MYEF2: variants seen among roughly 807,000 people sequenced by gnomAD.
The protein encoded by MYEF2 is myelin expression factor 2, also known as myelin gene expression factor 2.
In MYEF2, 37 loss-of-function variants were observed where a neutral mutation model predicts 75.2. The observed-to-expected ratio is 0.49, with a 90% confidence interval of 0.38 to 0.65. The LOEUF (loss-of-function observed/expected upper bound fraction) is 0.65. Ranked by LOEUF, MYEF2 falls within the 30% of genes least tolerant of loss-of-function variation. The pLI, the probability that MYEF2 is intolerant of heterozygous loss-of-function variation, is 0.00. For missense variants in MYEF2, 634 were observed against 771.4 expected (o/e 0.82, Z 2.11); for synonymous variants, 195 against 241.6 (o/e 0.81, Z 1.79).
intron 7 of MYEF2, among the ~76,000 whole-genome samples, 197 bp from the exon 8 acceptor site, chr15:48,158,421 T>C (rs1336288103): frequency 3.3e-5 from 5 of 152,224 alleles, no homozygotes; most frequent in Non-Finnish European, 5.9e-5. Flanking sequence ...ATCAATAAGA[T>C]GTATTTTTAA....
At chr15:48,152,602 C>T in intron 10 of MYEF2, 1 of 271,056 alleles carries the variant, frequency 3.7e-6, no homozygotes, top group Non-Finnish European at 6.8e-6. Flanking sequence ...AGAAATACTA[C>T]TATCAATGAT....
chr15:48,135,008 G>T lies in MYEF2; in HGVS notation c.*7900C>A. On this transcript the variant is annotated 3_prime_UTR_variant, in exon 17 of 17. Coordinates refer to ENST00000324324, the MANE Select transcript of MYEF2 (RefSeq NM_016132.5). Reference sequence around the variant, plus strand: ...TGGTAAGCTTGAAAATAATTCTTATGTAAAAATTAGAGATTTTATGAATTT... The same window carrying T: ...TGGTAAGCTTGAAAATAATTCTTATTTAAAAATTAGAGATTTTATGAATTT... The T allele has an allele frequency of 6.5e-7, 1 of 1,531,314 alleles. No homozygotes were observed. The highest frequency in any genetic ancestry group is 2.3e-5 in the East Asian group (1 of 44,158). 94.9% of individuals were successfully genotyped at this position (1,531,314 alleles called of 1,614,324 possible).
chr15:48,174,962 C>T (rs1410234529), intron 1 of MYEF2, among the ~76,000 whole-genome samples: 1 of 152,128 alleles, frequency 6.6e-6, no homozygotes, highest in Non-Finnish European at 1.5e-5. Context: ...AATGAAATCA[C>T]TATCTCAAGG....
chr15:48,161,331 G>GA (rs1479385464), intron 5 of MYEF2, among the ~76,000 whole-genome samples: 2 of 151,760 alleles, frequency 1.3e-5, no homozygotes, highest in African/African-American at 4.8e-5. Context: ...TTAATTAAAT[G>GA]AAAAAAATGT....
In MYEF2 at chr15:48,137,948, T is replaced by C. The variant is rs1334558126; in HGVS notation, c.*4960A>G. 6.6e-6 allele frequency: 1 copy of C among 152,138 alleles called. No homozygotes were observed. The highest frequency in any genetic ancestry group is 2.1e-4 in the South Asian group (1 of 4,832). The allele number at this position is 152,138 out of a possible 1,614,324, so 9.4% of individuals were successfully genotyped here. ...TAAAGTGGTTGTCCAAAACAGATTC[T>C]AAATTTAATTAAGCCTTTAGGAGGG... On this transcript the variant is annotated 3_prime_UTR_variant, in exon 17 of 17. Transcript: ENST00000324324.
intron 1 of MYEF2, among the ~76,000 whole-genome samples, chr15:48,169,075 T>G (rs540307105): frequency 5.3e-5 from 8 of 152,300 alleles, no homozygotes; most frequent in African/African-American, 1.9e-4. Flanking sequence ...ATTAAATAGT[T>G]GTAAGCATCC....
At chr15:48,161,655 T>C (rs1296073936) in intron 5 of MYEF2, among the ~76,000 whole-genome samples, 4 of 151,080 alleles carry the variant, frequency 2.6e-5, no homozygotes, top group African/African-American at 9.7e-5. Flanking sequence ...AAGAACACAA[T>C]AACATGATAT....
At position 48,158,939 on chromosome 15, in the gene MYEF2, A is replaced by G; in HGVS notation, c.718-17T>C. On this transcript the variant is annotated splice_polypyrimidine_tract_variant and intron_variant, in intron 6 of 16. Coordinates refer to ENST00000324324, the MANE Select transcript of MYEF2 (RefSeq NM_016132.5). ...GAAGTCAAGCTTAATATAAAATTGTATAAAGTTACATACCTAATAAATCCA... is the reference window on the plus strand; with the variant it reads ...GAAGTCAAGCTTAATATAAAATTGTGTAAAGTTACATACCTAATAAATCCA... 1 of 1,607,110 alleles carries G rather than the reference A, an allele frequency of 6.2e-7. No homozygotes were observed. Among genetic ancestry groups the G allele is most frequent in the Non-Finnish European group, 8.5e-7 (1 of 1,174,744 alleles).
chr15:48,159,150 A>C (rs762774650), intron 6 of MYEF2, among the ~76,000 whole-genome samples: 1 of 152,102 alleles, frequency 6.6e-6, no homozygotes, highest in Non-Finnish European at 1.5e-5. Flanking sequence ...ATCATCTCTC[A>C]ACTGCTCAAA....
In MYEF2 at chr15:48,142,088, C is replaced by T. The variant is rs770666675; in HGVS notation, c.*820G>A. The T allele has an allele frequency of 6.2e-7, 1 of 1,613,846 alleles. No individual in the cohort carries two copies. Among genetic ancestry groups the T allele is most frequent in the African/African-American group, 1.3e-5 (1 of 75,010 alleles). On this transcript the variant is annotated 3_prime_UTR_variant, in exon 17 of 17. Coordinates refer to ENST00000324324, the MANE Select transcript of MYEF2 (RefSeq NM_016132.5). ...ATCCAATGTGTTTGATATGTTGTGCCTTGGTATTCCATGGTTTATTAAAAC... is the reference window on the plus strand; with the variant it reads ...ATCCAATGTGTTTGATATGTTGTGCTTTGGTATTCCATGGTTTATTAAAAC...
chr15:48,148,889 T>G (rs2140827453), intron 16 of MYEF2, 143 bp downstream of exon 16: 1 of 770,982 alleles, frequency 1.3e-6, no homozygotes. Context: ...TTATTTGAAG[T>G]GGAATTAGAC....
intron 2 of MYEF2, 46 bp downstream of exon 2, chr15:48,168,585 C>T (rs192221695): frequency 2.3e-4 from 335 of 1,481,824 alleles, no homozygotes; most frequent in Non-Finnish European, 3.1e-4. Context: ...CCCTCCCCTG[C>T]CTATATGAAG....
At position 48,141,210 on chromosome 15, in the gene MYEF2, A is replaced by G. The variant is rs780480075; in HGVS notation, c.*1698T>C. On this transcript the variant is annotated 3_prime_UTR_variant, in exon 17 of 17. Transcript: ENST00000324324. ...CAATTGCAAGTGTGTTGGTTGCAAG[A>G]AAAGGTAAGAACTAGGTCCCTCAAG... The G allele has an allele frequency of 6.2e-7, 1 of 1,610,774 alleles. No individual in the cohort carries two copies. Among genetic ancestry groups the G allele is most frequent in the Non-Finnish European group, 8.5e-7 (1 of 1,177,018 alleles).
At chr15:48,167,077 A>T (rs1176789691) in intron 3 of MYEF2, among the ~76,000 whole-genome samples, 1 of 152,056 alleles carries the variant, frequency 6.6e-6, no homozygotes, top group Non-Finnish European at 1.5e-5. Flanking sequence ...AACAAAAAAA[A>T]TCCTATGCTA....
At position 48,137,306 on chromosome 15, in the gene MYEF2, T is replaced by C. The variant is rs1404134431; in HGVS notation, c.*5602A>G. ...GCTGGACAGGAAAGACTTTAACTAA[T>C]GACATATGTTATGACCAATAAGTAG... On this transcript the variant is annotated 3_prime_UTR_variant, in exon 17 of 17. Transcript: ENST00000324324. 4.5e-6 allele frequency: 1 copy of C among 224,544 alleles called. No homozygotes were observed. The highest frequency in any genetic ancestry group is 2.3e-5 in the African/African-American group (1 of 43,174). 13.9% of individuals were successfully genotyped at this position (224,544 alleles called of 1,614,324 possible).
rs1355854008 is a variant in MYEF2 at position 48,142,073 on chromosome 15, T to C, written c.*835A>G. ...GTCTAACATCGTGGGATCCAATGTG[T>C]TTGATATGTTGTGCCTTGGTATTCC... On this transcript the variant is annotated 3_prime_UTR_variant, in exon 17 of 17. Transcript: ENST00000324324. 6.2e-7 allele frequency: 1 copy of C among 1,613,812 alleles called. No individual in the cohort carries two copies. Among genetic ancestry groups the C allele is most frequent in the African/African-American group, 1.3e-5 (1 of 75,016 alleles).
intron 16 of MYEF2, among the ~76,000 whole-genome samples, chr15:48,145,656 T>C (rs1164772335): frequency 6.6e-6 from 1 of 151,840 alleles, no homozygotes; most frequent in Non-Finnish European, 1.5e-5. Flanking sequence ...TATGCCAGTA[T>C]AAAAACACAT....
chr15:48,136,461 T>A lies in MYEF2; in HGVS notation c.*6447A>T, dbSNP rs569729006. 3.5e-4 allele frequency: 111 copies of A among 314,832 alleles called. No individual in the cohort carries two copies. The highest frequency in any genetic ancestry group is 2.0e-3 in the South Asian group (13 of 6,424). The allele number at this position is 314,832 out of a possible 1,614,324, so 19.5% of individuals were successfully genotyped here. On this transcript the variant is annotated 3_prime_UTR_variant, in exon 17 of 17. Transcript: ENST00000324324. The stretch of plus-strand genomic sequence containing the variant: ...AAAACGAGTTTGTTGATCTTGTTTT[T>A]AAAAAAAAAAAAACAACACAGAAGT...
rs185318856 is a variant in MYEF2 at position 48,177,506 on chromosome 15, A to G, written c.161+571T>C. On this transcript the variant is annotated intron_variant, in intron 1 of 16. Transcript: ENST00000324324. ...CGTCTAGCCAATTCAAGAGTAACACAAAACATAGAGTCTAACAGCACATTA... is the reference window on the plus strand; with the variant it reads ...CGTCTAGCCAATTCAAGAGTAACACGAAACATAGAGTCTAACAGCACATTA... Among the ~76,000 whole-genome samples the G allele has an allele frequency of 9.8e-5, 15 of 152,316 alleles. No individual in the cohort carries two copies. In the East Asian group the frequency reaches 2.9e-3, roughly 29 times the overall value.
Sources: allele counts gnomAD v4.1 joint callset (sites outside exome capture counted in the v4.1 genomes callset), GRCh38; gene constraint gnomAD v4.1.1; transcripts MANE v1.5; gene names NCBI Gene and HGNC (gene_info 2026-07-23, HGNC 2026-07-21).